ADGRA3: variants seen among roughly 807,000 people sequenced by gnomAD.
The protein encoded by ADGRA3 is adhesion G protein-coupled receptor A3.
Under a neutral mutation model 119.8 loss-of-function variants are expected in ADGRA3, and 56 were observed. That is an observed-to-expected ratio of 0.47 (90% CI 0.38 to 0.58). The LOEUF (loss-of-function observed/expected upper bound fraction) is 0.58. ADGRA3 is among the 20% of genes least tolerant of loss of function. The probability of loss-of-function intolerance (pLI) is 0.00; values close to 1 mark genes in which losing one functional copy is unlikely to be tolerated. For missense variants in ADGRA3, 1,516 were observed against 1,649.0 expected, an observed-to-expected ratio of 0.92 and a Z score of 1.40; for synonymous variants, 607 against 623.8, an observed-to-expected ratio of 0.97 and a Z score of 0.40.
chr4:22,438,162 T>C lies in ADGRA3; in HGVS notation c.1085+94A>G. 5 of 957,750 alleles carry C rather than the reference T, an allele frequency of 5.2e-6. No individual in the cohort carries two copies. The South Asian group carries it at 7.3e-5, about 14-fold the overall frequency. The allele number at this position is 957,750 out of a possible 1,614,324, so 59.3% of individuals were successfully genotyped here. ...CTCAGACATGTGCAGTTCTCAAATT[T>C]TGTTACTCAGGACAGGAAACCAATA... On this transcript the variant is annotated intron_variant, in intron 8 of 18. Transcript: ENST00000334304.
intron 16 of ADGRA3, among the ~76,000 whole-genome samples, chr4:22,396,698 C>CT (rs1488156085): frequency 6.6e-6 from 1 of 152,140 alleles, no homozygotes; most frequent in Non-Finnish European, 1.5e-5. Flanking sequence ...AAGAATGATG[C>CT]TATGTCTTTC....
chr4:22,458,622 C>A, intron 3 of ADGRA3, among the ~76,000 whole-genome samples: 1 of 152,122 alleles, frequency 6.6e-6, no homozygotes, highest in African/African-American at 2.4e-5. Context: ...CACCGATCAC[C>A]ACCTTATCAT....
intron 1 of ADGRA3, among the ~76,000 whole-genome samples, chr4:22,483,759 A>T (rs564808589): frequency 4.4e-4 from 67 of 152,332 alleles, no homozygotes; most frequent in Non-Finnish European, 6.9e-4. Context: ...TTTCACTATG[A>T]TGCAGCACTG....
intron 1 of ADGRA3, among the ~76,000 whole-genome samples, chr4:22,502,184 G>C (rs1265131937): frequency 1.3e-5 from 2 of 152,180 alleles, no homozygotes; most frequent in Non-Finnish European, 2.9e-5. Flanking sequence ...CCCAAACCAC[G>C]TAAGGGTGAA....
At chr4:22,488,111 G>C (rs1718498439) in intron 1 of ADGRA3, among the ~76,000 whole-genome samples, 3 of 152,162 alleles carry the variant, frequency 2.0e-5, no homozygotes, top group Admixed American at 1.3e-4. Flanking sequence ...GTTTAGAGCA[G>C]GGGTCAGCAA....
At position 22,484,905 on chromosome 4, in the gene ADGRA3, A is replaced by G. The variant is rs181408862; in HGVS notation, c.258-11062T>C. 9.2e-5 allele frequency among the ~76,000 whole-genome samples: 14 copies of G among 152,180 alleles called. No homozygotes were observed. The East Asian group carries it at 2.7e-3, about 29-fold the overall frequency. On this transcript the variant is annotated intron_variant, in intron 1 of 18. Transcript: ENST00000334304. ...TTTTCTCCATCTGCTCCTTAGCCAG[A>G]TATTCCATCTCTTAGTTCCAACCTT...
intron 1 of ADGRA3, among the ~76,000 whole-genome samples, chr4:22,504,500 T>A (rs1719167603): frequency 6.6e-6 from 1 of 152,146 alleles, no homozygotes; most frequent in African/African-American, 2.4e-5. Flanking sequence ...TTTTATTCAT[T>A]CAACTCCACA....
intron 12 of ADGRA3, among the ~76,000 whole-genome samples, chr4:22,418,380 A>C (rs1444327233): frequency 6.6e-6 from 1 of 152,156 alleles, no homozygotes; most frequent in Non-Finnish European, 1.5e-5. Context: ...AAAGGAGACA[A>C]GGGTGGGAGT....
At chr4:22,402,858 G>C (rs905382744) in intron 14 of ADGRA3, 59 bp from the exon 15 acceptor site, 5 of 1,537,198 alleles carry the variant, frequency 3.3e-6, no homozygotes, top group Admixed American at 2.1e-5. Flanking sequence ...TAACTACTGA[G>C]ATTTTTTTGA....
At chr4:22,442,103 CA>C (rs1309111042) in intron 7 of ADGRA3, among the ~76,000 whole-genome samples, 44 of 151,996 alleles carry the variant, frequency 2.9e-4, no homozygotes, top group African/African-American at 1.0e-3. Context: ...AAAATTTTAC[CA>C]AAGTAAAATA....
intron 1 of ADGRA3, chr4:22,514,318 CAAAT>C (rs1397529462): frequency 4.0e-5 from 6 of 151,512 alleles, no homozygotes; most frequent in Admixed American, 3.9e-4. Context: ...GTAACGGAGT[CAAAT>C]AAAACAAAAA....
intron 2 of ADGRA3, among the ~76,000 whole-genome samples, chr4:22,467,231 T>C (rs909830532): frequency 1.3e-5 from 2 of 152,200 alleles, no homozygotes; most frequent in African/African-American, 4.8e-5. Context: ...CATTGCCCTT[T>C]CAATTCTTCC....
At chr4:22,513,845 C>CAAAAAAAAAAAAAAA (rs59015584) in intron 1 of ADGRA3, among the ~76,000 whole-genome samples, 5 of 31,490 alleles carry the variant, frequency 1.6e-4, no homozygotes, top group African/African-American at 4.9e-4. Context: ...AGCTTTCAGG[C>CAAAAAAAAAAAAAAA]AAAAAAAAAA....
At chr4:22,474,885 T>C (rs561268646) in intron 1 of ADGRA3, among the ~76,000 whole-genome samples, 1 of 152,318 alleles carries the variant, frequency 6.6e-6, no homozygotes, top group Middle Eastern at 3.4e-3. Context: ...AGCTAGTGTT[T>C]TTTGAGACAA....
chr4:22,403,270 C>T (rs192292818), intron 14 of ADGRA3, among the ~76,000 whole-genome samples: 1 of 152,170 alleles, frequency 6.6e-6, no homozygotes, highest in East Asian at 1.9e-4. Context: ...CAAATACAAA[C>T]GGACCAAACA....
Position 22,515,664 on chromosome 4 carries a change from C to A in ADGRA3, c.121G>T (p.Ala41Ser), listed in dbSNP as rs752306317. 4.2e-6 allele frequency: 5 copies of A among 1,198,700 alleles called. No homozygotes were observed. The highest frequency in any genetic ancestry group is 5.2e-6 in the Non-Finnish European group (5 of 964,754). 74.3% of individuals were successfully genotyped at this position (1,198,700 alleles called of 1,614,324 possible). Residue 41 changes from alanine (A) to serine (S), a missense_variant, in exon 1 of 19, where the codon GCC (alanine) becomes TCC (serine). Physicochemically the swap from Ala to Ser is moderately conservative, Grantham distance 99. Transcript: ENST00000334304. ...GGGGGAAALP[A>S]GCKHDGRPRG... The stretch of plus-strand genomic sequence containing the variant: ...GGCCGCCCATCGTGCTTGCAGCCGG[C>A]GGGCAGCGCCGCGGCGCCGCCGCCG...
At chr4:22,430,305 G>A (rs186899093) in intron 10 of ADGRA3, among the ~76,000 whole-genome samples, 11 of 152,294 alleles carry the variant, frequency 7.2e-5, no homozygotes, top group East Asian at 3.9e-4. Flanking sequence ...ACAAATAGGC[G>A]TTGGAACAGT....
intron 4 of ADGRA3, among the ~76,000 whole-genome samples, chr4:22,449,929 G>A (rs769456665): frequency 2.6e-5 from 4 of 151,732 alleles, no homozygotes; most frequent in Non-Finnish European, 4.4e-5. Flanking sequence ...CTTGGAAATC[G>A]CAAAGGAAGG....
Position 22,426,236 on chromosome 4 carries a change from A to G in ADGRA3, c.1444-1884T>C, listed in dbSNP as rs145586307. Among the ~76,000 whole-genome samples, 211 of 152,284 alleles carry G rather than the reference A, an allele frequency of 1.4e-3. 1 individual carries two copies. The highest frequency in any genetic ancestry group is 4.9e-3 in the African/African-American group (205 of 41,560). On this transcript the variant is annotated intron_variant, in intron 10 of 18. Transcript: ENST00000334304. ...ACTAAACTGCCACTTGACCCTCTGT[A>G]AAGTCCCACTCTCCCCAGCTTGATC... is the stretch of plus-strand genomic sequence containing the variant.
Sources: gnomAD v4.1 joint callset for allele counts (sites outside exome capture counted in the v4.1 genomes callset) on GRCh38, gnomAD v4.1.1 for gene constraint, MANE v1.5 for transcripts, NCBI Gene and HGNC (gene_info 2026-07-23, HGNC 2026-07-21) for gene names.